Variants in CAGE1 observed in about 807,000 individuals in gnomAD.
The protein encoded by CAGE1 is cancer-associated gene 1 protein.
Under a neutral mutation model 94.9 loss-of-function variants are expected in CAGE1, and 66 were observed. The ratio of observed to expected loss-of-function variants is 0.70; its 90% confidence interval spans 0.57 to 0.85. CAGE1 has a LOEUF of 0.85. Ranked by LOEUF, CAGE1 falls within the 40% of genes least tolerant of loss-of-function variation. The pLI is 0.00. For missense variants in CAGE1, 865 were observed against 950.4 expected (o/e 0.91, Z 1.18); for synonymous variants, 319 against 321.0 (o/e 0.99, Z 0.07).
At chr6:7,357,158 G>A (rs138836803) in intron 9 of CAGE1, among the ~76,000 whole-genome samples, 1 of 151,862 alleles carries the variant, frequency 6.6e-6, no homozygotes, top group African/African-American at 2.4e-5. Flanking sequence ...CAATAACAGA[G>A]CAAATTTGCA....
intron 11 of CAGE1, among the ~76,000 whole-genome samples, chr6:7,351,371 AAAG>A (rs1190627258): frequency 6.6e-6 from 1 of 152,144 alleles, no homozygotes; most frequent in African/African-American, 2.4e-5. Context: ...CCAGACATTC[AAAG>A]AAGAATTGGT....
intron 5 of CAGE1, among the ~76,000 whole-genome samples, chr6:7,371,328 GA>G (rs1325018011): frequency 6.6e-6 from 1 of 151,850 alleles, no homozygotes; most frequent in Non-Finnish European, 1.5e-5. Context: ...TTAGATCTTA[GA>G]TTTTTTTTTT....
rs2477479 is a variant in CAGE1, at chr6:7,345,446, A to G, written c.2369+9595T>C. Among the ~76,000 whole-genome samples the G allele has an allele frequency of 3.3e-5, 5 of 152,158 alleles. No individual in the cohort carries two copies. In the South Asian group the frequency reaches 1.0e-3, roughly 32 times the overall value. On this transcript the variant is annotated intron_variant, in intron 11 of 13. Coordinates refer to ENST00000502583, the MANE Select transcript of CAGE1 (RefSeq NM_001170692.2). ...GCAGGGGTCTGTGGTTTCATTCTTGAAGTGAGACCAAGTAGCCCAAGTCCA... is the reference window on the plus strand; with the variant it reads ...GCAGGGGTCTGTGGTTTCATTCTTGGAGTGAGACCAAGTAGCCCAAGTCCA...
At chr6:7,359,009 C>T (rs1241791471) in intron 9 of CAGE1, among the ~76,000 whole-genome samples, 1 of 152,074 alleles carries the variant, frequency 6.6e-6, no homozygotes, top group Non-Finnish European at 1.5e-5. Context: ...TTTAGACATT[C>T]TAAAACGGGT....
intron 3 of CAGE1, among the ~76,000 whole-genome samples, chr6:7,384,312 C>T (rs1378202494): frequency 1.3e-5 from 2 of 152,188 alleles, no homozygotes; most frequent in Non-Finnish European, 2.9e-5. Flanking sequence ...CTCCTGACCT[C>T]GTGATCCGCC....
At chr6:7,354,085 G>A (rs1454822770) in intron 11 of CAGE1, among the ~76,000 whole-genome samples, 1 of 148,662 alleles carries the variant, frequency 6.7e-6, no homozygotes, top group Non-Finnish European at 1.5e-5. Flanking sequence ...AATAACCTAC[G>A]GAAAAAAAAC....
rs1760487481 is a variant in CAGE1 at position 7,370,014 on chromosome 6, C to T, written c.1798G>A (p.Glu600Lys). 6.2e-7 allele frequency: 1 copy of T among 1,613,710 alleles called. No homozygotes were observed. The highest frequency in any genetic ancestry group is 1.3e-5 in the African/African-American group (1 of 75,036). Reference sequence around the variant, plus strand: ...TTTATATCTGCAGGATTCAGCCTCTCTTCACAAGGTGAGCAATCCGGGAGC... The same window carrying T: ...TTTATATCTGCAGGATTCAGCCTCTTTTCACAAGGTGAGCAATCCGGGAGC... Reference protein sequence around the residue: ...NLLPDCSPCEERLNPADIKRA... With the variant: ...NLLPDCSPCEKRLNPADIKRA... The change falls in exon 6 of 14, where the codon GAG becomes AAG. Residue 600 changes from glutamate (E) to lysine (K), a missense_variant. By Grantham distance (56) the Glu-to-Lys change is moderately conservative (BLOSUM62 1). Transcript: ENST00000502583.
At chr6:7,341,271 C>T in intron 11 of CAGE1, 1 of 664,634 alleles carries the variant, frequency 1.5e-6, no homozygotes, top group South Asian at 1.5e-5. Context: ...AAGCCATCTC[C>T]TTGTGGTGGG....
chr6:7,338,761 T>C, intron 11 of CAGE1: 1 of 708,386 alleles, frequency 1.4e-6, no homozygotes. Flanking sequence ...TTTTTTTTTC[T>C]GTCTTTGTAC....
chr6:7,339,565 C>A lies in CAGE1; in HGVS notation c.2370-5475G>T, dbSNP rs775065342. 2 of 766,176 alleles carry A rather than the reference C, an allele frequency of 2.6e-6. No individual in the cohort carries two copies. The highest frequency in any genetic ancestry group is 2.4e-6 in the Non-Finnish European group (1 of 413,718). The allele number at this position is 766,176 out of a possible 1,614,324, so 47.5% of individuals were successfully genotyped here. A position where few individuals can be genotyped will look rare whatever the true frequency, so the allele number is the denominator to read the frequency against. On this transcript the variant is annotated intron_variant, in intron 11 of 13. Coordinates refer to ENST00000502583, the MANE Select transcript of CAGE1 (RefSeq NM_001170692.2). This position sits in a 1 kb window ranked among gnomAD's most constrained non-coding sequence, Gnocchi z 4.7. The stretch of plus-strand genomic sequence containing the variant: ...TTCCTCTTCTTGGAAATTTGTAAGG[C>A]GATCTTGCCGCCATGCTCCGCTGAA...
In CAGE1 at chr6:7,378,900, T is replaced by A. The variant is rs374515749; in HGVS notation, c.404A>T (p.Asp135Val). The change falls in exon 4 of 14, where the codon GAT becomes GTT. Residue 135 changes from aspartate to valine, a missense_variant. Asp to Val is a radical substitution (Grantham distance 152). Transcript: ENST00000502583. ...CKFHWVEAFD[D>V]EMTEKPEFQS... ...AAATTCTGGCTTCTCTGTCATTTCATCATCAAATGCTTCTACCCAGTGAAA... is the reference window on the plus strand; with the variant it reads ...AAATTCTGGCTTCTCTGTCATTTCAACATCAAATGCTTCTACCCAGTGAAA... 32 of 1,609,088 alleles carry A rather than the reference T, an allele frequency of 2.0e-5. No homozygotes were observed. The African/African-American group carries it at 3.6e-4, about 18-fold the overall frequency.
chr6:7,368,252 C>CAAAAAAAA (rs57530544), intron 7 of CAGE1, among the ~76,000 whole-genome samples: 1 of 84,440 alleles, frequency 1.2e-5, no homozygotes, highest in South Asian at 3.9e-4. Context: ...GACTCTGTCT[C>CAAAAAAAA]AAAAAAAAAA....
intron 4 of CAGE1, among the ~76,000 whole-genome samples, chr6:7,376,827 T>C (rs1325369090): frequency 2.0e-5 from 3 of 152,192 alleles, no homozygotes; most frequent in African/African-American, 7.2e-5. Context: ...GGCTGCCTAA[T>C]TAACTTCTAC....
intron 1 of CAGE1, 122 bp downstream of exon 1, chr6:7,389,080 T>C (rs950443108): frequency 3.1e-6 from 1 of 324,916 alleles, no homozygotes; most frequent in Admixed American, 3.8e-5. Flanking sequence ...AATGTTTGAA[T>C]AGATGTTCCA....
chr6:7,345,404 G>C (rs565038488), intron 11 of CAGE1, among the ~76,000 whole-genome samples: 1 of 152,266 alleles, frequency 6.6e-6, no homozygotes, highest in Admixed American at 6.5e-5. Flanking sequence ...GCCATCTTAA[G>C]AGCTGTAACC....
intron 11 of CAGE1, among the ~76,000 whole-genome samples, chr6:7,348,272 C>T (rs1759640745): frequency 6.6e-6 from 1 of 152,162 alleles, no homozygotes; most frequent in African/African-American, 2.4e-5. Context: ...ACCCCCAGTA[C>T]CAGCCTGGTG....
chr6:7,333,677 T>TG (rs11400589), intron 12 of CAGE1, among the ~76,000 whole-genome samples: 68,344 of 140,244 alleles, frequency 0.49, 17,852 homozygotes, highest in African/African-American at 0.65. Context: ...TATATATACA[T>TG]TTTTTTTTTG....
In CAGE1 at chr6:7,365,526, G is replaced by T. The variant is rs756409000; in HGVS notation, c.2135C>A (p.Thr712Asn). The T allele has an allele frequency of 6.2e-7, 1 of 1,613,018 alleles. No homozygotes were observed. Among genetic ancestry groups the T allele is most frequent in the Non-Finnish European group, 8.5e-7 (1 of 1,179,264 alleles). ...CTTATCCAGTTTGGCTCCCAGAAGG[G>T]TAGGTACATCTCTGATACTCTTGGC... ...DEAKSIRDVP[T>N]LLGAKLDKYH... The change falls in exon 9 of 14, where the codon ACC becomes AAC. Residue 712 changes from threonine (T) to asparagine (N), a missense_variant. Transcript: ENST00000502583.
chr6:7,326,823 G>T lies in CAGE1; in HGVS notation c.*35C>A. On this transcript the variant is annotated 3_prime_UTR_variant, in exon 14 of 14. Coordinates refer to ENST00000502583, the MANE Select transcript of CAGE1 (RefSeq NM_001170692.2). The stretch of plus-strand genomic sequence containing the variant: ...AGTAATGACTCTTCCTGGAGTGGTT[G>T]ACAAAAATGATTACTGTTTAATCTT... 1 of 1,470,158 alleles carries T rather than the reference G, an allele frequency of 6.8e-7. No individual in the cohort carries two copies. The highest frequency in any genetic ancestry group is 9.5e-7 in the Non-Finnish European group (1 of 1,049,510). 91.1% of individuals were successfully genotyped at this position (1,470,158 alleles called of 1,614,324 possible).
Sources: gnomAD v4.1 joint callset for allele counts (sites outside exome capture counted in the v4.1 genomes callset) on GRCh38, gnomAD v4.1.1 for gene constraint, Gnocchi (gnomAD v3.1) non-coding constraint, MANE v1.5 for transcripts, NCBI Gene and HGNC (gene_info 2026-07-23, HGNC 2026-07-21) for gene names.